Variants in RNF144A observed in about 807,000 individuals in gnomAD.
RNF144A encodes E3 ubiquitin-protein ligase RNF144A.
RNF144A carries 11 observed loss-of-function variants against 38.7 expected under a neutral mutation model. That is an observed-to-expected ratio of 0.28 (90% confidence interval 0.18 to 0.47). The LOEUF is 0.47. RNF144A is among the 20% of genes least tolerant of loss of function. RNF144A has a pLI of 0.99. For missense variants in RNF144A, 316 were observed against 377.2 expected (o/e 0.84, Z 1.34); for synonymous variants, 149 against 143.9 (o/e 1.04, Z -0.25).
At chr2:7,005,201 G>A (rs1670361422) in intron 3 of RNF144A, among the ~76,000 whole-genome samples, 2 of 152,216 alleles carry the variant, frequency 1.3e-5, no homozygotes, top group Admixed American at 6.5e-5. Context: ...TCAAATGAAA[G>A]TCTACATGAA....
intron 2 of RNF144A, among the ~76,000 whole-genome samples, chr2:6,961,438 G>A (rs1336911631): frequency 6.6e-6 from 1 of 151,478 alleles, no homozygotes; most frequent in African/African-American, 2.4e-5. Flanking sequence ...TTACAGACCT[G>A]CACTGAGTGC....
chr2:6,997,065 G>T lies in RNF144A; in HGVS notation c.135+4G>T. The T allele has an allele frequency of 6.2e-7, 1 of 1,613,860 alleles. No individual in the cohort carries two copies. On this transcript the variant is annotated splice_donor_region_variant and intron_variant, in intron 3 of 8. Coordinates refer to ENST00000320892, the MANE Select transcript of RNF144A (RefSeq NM_014746.6). ...CCAATGCATCTTCTGTACTCTGGTT[G>T]GTCTTTTTGGATAAAATATATGTTA...
At chr2:7,031,160 A>G (rs551661944) in intron 8 of RNF144A, among the ~76,000 whole-genome samples, 14 of 151,864 alleles carry the variant, frequency 9.2e-5, no homozygotes, top group Admixed American at 6.6e-4. Flanking sequence ...CTACCCGTCC[A>G]TGGCCCAGGT....
chr2:7,000,881 T>A (rs1254471840), intron 3 of RNF144A, among the ~76,000 whole-genome samples: 1 of 150,950 alleles, frequency 6.6e-6, no homozygotes, highest in Non-Finnish European at 1.5e-5. Flanking sequence ...TATATAATTT[T>A]TTTTTGCTTT....
At chr2:7,072,552 G>C (rs190527201), downstream of RNF144A, among the ~76,000 whole-genome samples, 74 of 152,298 alleles carry the variant, frequency 4.9e-4, no homozygotes, top group African/African-American at 1.7e-3. Flanking sequence ...TCTGCCATCT[G>C]TCTCTCCTCT....
In RNF144A at chr2:7,044,047, C is replaced by T; in HGVS notation, c.*4287C>T. 1 of 985,760 alleles carries T rather than the reference C, an allele frequency of 1.0e-6. No individual in the cohort carries two copies. The highest frequency in any genetic ancestry group is 1.2e-6 in the Non-Finnish European group (1 of 829,894). The allele number at this position is 985,760 out of a possible 1,614,324, so 61.1% of individuals were successfully genotyped here. ...AATGTTGTGTTTTGTACTCTGGAAT[C>T]ATATGGAAAAAGTTTGATTTGTAAT... On this transcript the variant is annotated 3_prime_UTR_variant, in exon 9 of 9. Coordinates refer to ENST00000320892, the MANE Select transcript of RNF144A (RefSeq NM_014746.6).
intron 6 of RNF144A, among the ~76,000 whole-genome samples, chr2:7,056,141 A>T (rs1024727511): frequency 1.3e-5 from 2 of 152,168 alleles, no homozygotes; most frequent in Admixed American, 6.5e-5. Flanking sequence ...GTTCTCTTAC[A>T]AATTGGGAAG....
Position 7,007,038 on chromosome 2 carries a change from C to A in RNF144A, c.136-7416C>A, listed in dbSNP as rs553987579. 9.3e-4 allele frequency among the ~76,000 whole-genome samples: 142 copies of A among 152,194 alleles called. 1 individual carries two copies. The highest frequency in any genetic ancestry group is 3.4e-3 in the Middle Eastern group (1 of 294). On this transcript the variant is annotated intron_variant, in intron 3 of 8. Transcript: ENST00000320892. ...AAGGTCAGAGAGTGCCTTCCCACCCCCTCAGAACCCTGCCCCTTCCCACCT... is the reference window on the plus strand; with the variant it reads ...AAGGTCAGAGAGTGCCTTCCCACCCACTCAGAACCCTGCCCCTTCCCACCT...
chr2:7,053,445 G>T, intron 6 of RNF144A, among the ~76,000 whole-genome samples: 1 of 152,346 alleles, frequency 6.6e-6, no homozygotes, highest in Middle Eastern at 3.4e-3. Flanking sequence ...GCTGGGCTGT[G>T]TTTTCATCTG....
chr2:7,007,158 T>C (rs1670498440), intron 3 of RNF144A, among the ~76,000 whole-genome samples: 1 of 152,140 alleles, frequency 6.6e-6, no homozygotes, highest in Admixed American at 6.5e-5. Context: ...AGGAGGCCTG[T>C]CTAGGACCGA....
In RNF144A at chr2:7,062,497, T is replaced by TAA. The variant is rs70942688; in HGVS notation, c.735-5700_735-5699dup. Among the ~76,000 whole-genome samples the TAA allele has an allele frequency of 1.6e-3, 179 of 113,436 alleles. 2 individuals are homozygous for TAA. The highest frequency in any genetic ancestry group is 4.9e-3 in the Middle Eastern group (1 of 206). The allele number at this position is 113,436 out of a possible 152,430, so 74.4% of individuals were successfully genotyped here. On this transcript the variant is annotated intron_variant, in intron 6 of 6. Coordinates refer to the RNF144A transcript ENST00000432850. ...TGTTTTGAGAAATAGTGCTGGGTGC[T>TAA]AAAAAAAAAAAAAAAAAAAAGAAAG...
At chr2:7,028,718 G>C (rs551493338) in intron 7 of RNF144A, among the ~76,000 whole-genome samples, 1 of 152,208 alleles carries the variant, frequency 6.6e-6, no homozygotes, top group African/African-American at 2.4e-5. Flanking sequence ...AGTTCAAGGA[G>C]GAGAGAGCTC....
chr2:6,930,189 G>A (rs1047500622), intron 1 of RNF144A, among the ~76,000 whole-genome samples: 4 of 152,182 alleles, frequency 2.6e-5, no homozygotes, highest in Non-Finnish European at 5.9e-5. Flanking sequence ...ATATAGCTAA[G>A]TAAATATCAT....
intron 1 of RNF144A, among the ~76,000 whole-genome samples, chr2:6,930,426 A>G (rs1665132606): frequency 6.6e-6 from 1 of 151,982 alleles, no homozygotes; most frequent in African/African-American, 2.4e-5. Context: ...AGTTTTGTAA[A>G]AAATTAATTG....
rs567010726 is a variant in RNF144A at position 6,945,104 on chromosome 2, C to T, written c.-12+3957C>T. On this transcript the variant is annotated intron_variant, in intron 2 of 8. Transcript: ENST00000320892. Reference sequence around the variant, plus strand: ...CTTGGCCATCACTCAGCCTTTGGACCGGCCACGTTTGGGAAACTGCAGCTT... The same window carrying T: ...CTTGGCCATCACTCAGCCTTTGGACTGGCCACGTTTGGGAAACTGCAGCTT... Among the ~76,000 whole-genome samples, 55 of 152,246 alleles carry T rather than the reference C, an allele frequency of 3.6e-4. 1 individual carries two copies. Among genetic ancestry groups the T allele is most frequent in the Non-Finnish European group, 5.1e-4 (35 of 68,044 alleles).
intron 7 of RNF144A, among the ~76,000 whole-genome samples, chr2:7,026,645 C>G (rs569301136): frequency 6.6e-6 from 1 of 152,106 alleles, no homozygotes; most frequent in Non-Finnish European, 1.5e-5. Context: ...GAGCCCCGTG[C>G]GGATCATTTG....
At chr2:6,974,623 GACTTTACTT>G (rs1668193543) in intron 2 of RNF144A, among the ~76,000 whole-genome samples, 1 of 152,008 alleles carries the variant, frequency 6.6e-6, no homozygotes, top group Admixed American at 6.6e-5. Flanking sequence ...AAGTAAGTCA[GACTTTACTT>G]AATTATTGTG....
intron 1 of RNF144A, among the ~76,000 whole-genome samples, chr2:6,936,908 C>T (rs1665628251): frequency 1.3e-5 from 2 of 149,384 alleles, no homozygotes; most frequent in Non-Finnish European, 3.0e-5. Flanking sequence ...TCTATAGGTT[C>T]CTACATAGTC....
chr2:7,045,550 C>T (rs958523287), downstream of RNF144A, among the ~76,000 whole-genome samples: 5 of 152,176 alleles, frequency 3.3e-5, no homozygotes, highest in African/African-American at 1.2e-4. Flanking sequence ...CGCCTGTGGA[C>T]ACAGCTCCTT....
Sources: gnomAD v4.1 joint callset for allele counts (sites outside exome capture counted in the v4.1 genomes callset) on GRCh38, gnomAD v4.1.1 for gene constraint, MANE v1.5 for transcripts, NCBI Gene and HGNC (gene_info 2026-07-23, HGNC 2026-07-21) for gene names.